Variants in GNAQ observed in about 807,000 individuals in gnomAD.
GNAQ encodes guanine nucleotide-binding protein G(q) subunit alpha.
Under a neutral mutation model 43.9 loss-of-function variants are expected in GNAQ, and 8 were observed. The observed-to-expected ratio is 0.18, with a 90% CI of 0.11 to 0.33. GNAQ has a LOEUF of 0.33. Among genes scored for constraint, GNAQ ranks in the 10% least tolerant of loss-of-function variants. The pLI, the probability that GNAQ is intolerant of heterozygous loss-of-function variation, is 1.00. For missense variants in GNAQ, 158 were observed against 450.8 expected (o/e 0.35, Z 5.88); for synonymous variants, 155 against 170.7 (o/e 0.91, Z 0.71).
At chr9:77,818,968 C>T (rs1164734215) in intron 2 of GNAQ, among the ~76,000 whole-genome samples, 1 of 116,132 alleles carries the variant, frequency 8.6e-6, no homozygotes, top group Non-Finnish European at 1.6e-5. Context: ...CCACGGCATT[C>T]CAGCCTAGGT....
chr9:77,945,956 T>G (rs1368098814), intron 1 of GNAQ, among the ~76,000 whole-genome samples: 1 of 152,214 alleles, frequency 6.6e-6, no homozygotes, highest in Admixed American at 6.5e-5. Flanking sequence ...CCACACTTCC[T>G]GAATTGCAGG....
At chr9:77,762,319 G>T (rs1386418643) in intron 5 of GNAQ, among the ~76,000 whole-genome samples, 2 of 144,674 alleles carry the variant, frequency 1.4e-5, no homozygotes, top group Non-Finnish European at 3.0e-5. Context: ...CCCCCCGCCC[G>T]GCCAGCCGCC....
rs569538286 is a variant in GNAQ at position 77,905,623 on chromosome 9, A to G, written c.321+16538T>C. ...GCATAAACTTGCTTATTCTCACTTAAAAGTCGATCATACACTTGGAGATAA... is the reference window on the plus strand; with the variant it reads ...GCATAAACTTGCTTATTCTCACTTAGAAGTCGATCATACACTTGGAGATAA... On this transcript the variant is annotated intron_variant, in intron 2 of 6. Coordinates refer to ENST00000286548, the MANE Select transcript of GNAQ (RefSeq NM_002072.5). 3.3e-5 allele frequency among the ~76,000 whole-genome samples: 5 copies of G among 152,316 alleles called. No homozygotes were observed. The South Asian group carries it at 1.0e-3, about 32-fold the overall frequency.
At chr9:77,752,049 A>G (rs1401140754) in intron 5 of GNAQ, among the ~76,000 whole-genome samples, 1 of 152,254 alleles carries the variant, frequency 6.6e-6, no homozygotes, top group Non-Finnish European at 1.5e-5. Flanking sequence ...GAATTGGATG[A>G]CAAAACAACT....
intron 1 of GNAQ, among the ~76,000 whole-genome samples, chr9:78,027,833 C>G (rs912287997): frequency 6.6e-6 from 1 of 150,944 alleles, no homozygotes; most frequent in Non-Finnish European, 1.5e-5. Flanking sequence ...TTTACTAAGT[C>G]TTCCTATTTG....
intron 3 of GNAQ, among the ~76,000 whole-genome samples, chr9:77,798,422 A>G (rs1826692298): frequency 6.6e-6 from 1 of 152,220 alleles, no homozygotes; most frequent in Non-Finnish European, 1.5e-5. Flanking sequence ...AACATCTTAC[A>G]TAATCATAGT....
At chr9:77,861,733 T>C (rs912815997) in intron 2 of GNAQ, among the ~76,000 whole-genome samples, 1 of 152,166 alleles carries the variant, frequency 6.6e-6, no homozygotes, top group Non-Finnish European at 1.5e-5. Flanking sequence ...TCAGGCATGG[T>C]GGCTCACGCC....
intron 2 of GNAQ, among the ~76,000 whole-genome samples, chr9:77,884,501 C>T (rs895077168): frequency 6.6e-6 from 1 of 152,180 alleles, no homozygotes; most frequent in African/African-American, 2.4e-5. Context: ...AACAAAAGTG[C>T]GACTTCCCAT....
At chr9:77,735,965 G>A (rs1825571944) in intron 5 of GNAQ, among the ~76,000 whole-genome samples, 1 of 152,120 alleles carries the variant, frequency 6.6e-6, no homozygotes, top group Admixed American at 6.5e-5. Flanking sequence ...CCTAGCTGTG[G>A]CCTGAGCACA....
At chr9:78,009,935 G>C (rs1823753667) in intron 1 of GNAQ, among the ~76,000 whole-genome samples, 1 of 152,178 alleles carries the variant, frequency 6.6e-6, no homozygotes, top group African/African-American at 2.4e-5. Context: ...GCTGTATCAA[G>C]AAAAATGAAA....
intron 5 of GNAQ, among the ~76,000 whole-genome samples, chr9:77,736,894 C>A (rs1170087211): frequency 6.6e-6 from 1 of 152,200 alleles, no homozygotes; most frequent in African/African-American, 2.4e-5. Context: ...AAGTGACCAA[C>A]CACCTCCTTT....
intron 1 of GNAQ, among the ~76,000 whole-genome samples, chr9:77,932,942 A>T (rs1476255521): frequency 6.6e-6 from 1 of 152,126 alleles, no homozygotes; most frequent in East Asian, 1.9e-4. Context: ...GGATGAAGTG[A>T]AAAAGGGAGG....
At chr9:77,721,800 T>C (rs550028304) in intron 6 of GNAQ, among the ~76,000 whole-genome samples, 51 of 152,280 alleles carry the variant, frequency 3.3e-4, no homozygotes, top group Middle Eastern at 3.4e-3. Flanking sequence ...CCCTGAGTGA[T>C]TGGGAGCCAC....
At chr9:78,031,044 C>G in intron 1 of GNAQ, 56 bp downstream of exon 1, 2 of 1,306,572 alleles carry the variant, frequency 1.5e-6, no homozygotes, top group African/African-American at 3.1e-5. Flanking sequence ...CCCCGCAGGG[C>G]CAAGGATGGT....
At chr9:78,025,346 G>C (rs1823964246) in intron 1 of GNAQ, among the ~76,000 whole-genome samples, 1 of 152,200 alleles carries the variant, frequency 6.6e-6, no homozygotes, top group African/African-American at 2.4e-5. Flanking sequence ...TTGGGTCTGA[G>C]AGCAGCTCTT....
intron 5 of GNAQ, among the ~76,000 whole-genome samples, chr9:77,737,902 T>C (rs746199804): frequency 1.3e-5 from 2 of 152,206 alleles, no homozygotes; most frequent in Non-Finnish European, 2.9e-5. Flanking sequence ...TAGTATCTCT[T>C]TGCCAGATTT....
intron 5 of GNAQ, among the ~76,000 whole-genome samples, chr9:77,748,114 A>G (rs143958559): frequency 2.3e-3 from 349 of 152,298 alleles, no homozygotes; most frequent in African/African-American, 7.0e-3. Flanking sequence ...TTCCAAATCC[A>G]GAGTCTCCTC....
chr9:77,750,937 G>A (rs1164019134), intron 5 of GNAQ, among the ~76,000 whole-genome samples: 1 of 152,198 alleles, frequency 6.6e-6, no homozygotes, highest in African/African-American at 2.4e-5. Context: ...TATCTAACCT[G>A]TGAAGATGGT....
At chr9:77,821,203 T>TCAC (rs1453778518) in intron 2 of GNAQ, among the ~76,000 whole-genome samples, 1 of 152,128 alleles carries the variant, frequency 6.6e-6, no homozygotes, top group Non-Finnish European at 1.5e-5. Flanking sequence ...TCCATTATGG[T>TCAC]CACCAAGATA....
Sources: gnomAD v4.1 joint callset for allele counts (sites outside exome capture counted in the v4.1 genomes callset) on GRCh38, gnomAD v4.1.1 for gene constraint, MANE v1.5 for transcripts, NCBI Gene and HGNC (gene_info 2026-07-23, HGNC 2026-07-21) for gene names.